The following PTPRD variants were observed in gnomAD, a reference collection of about 807,000 sequenced individuals.
PTPRD encodes receptor-type tyrosine-protein phosphatase delta.
PTPRD carries 34 observed loss-of-function variants against 214.5 expected under a neutral mutation model. The ratio of observed to expected loss-of-function variants is 0.16; its 90% confidence interval spans 0.12 to 0.21. PTPRD has a LOEUF of 0.21. Ranked by LOEUF, PTPRD falls within the 10% of genes least tolerant of loss-of-function variation. The probability of loss-of-function intolerance (pLI) is 1.00; values close to 1 mark genes in which losing one functional copy is unlikely to be tolerated. For missense variants in PTPRD, 2,545 were observed against 2,398.7 expected, an observed-to-expected ratio of 1.06 and a Z score of -1.27; for synonymous variants, 1,128 against 845.7, an observed-to-expected ratio of 1.33 and a Z score of -5.79.
chr9:8,914,248 A>G (rs2098768996), intron 11 of PTPRD, among the ~76,000 whole-genome samples: 1 of 152,170 alleles, frequency 6.6e-6, no homozygotes, highest in African/African-American at 2.4e-5. Flanking sequence ...TAATTTTAAA[A>G]TAAATAAGGA....
chr9:8,498,853 C>A (rs558880149), intron 25 of PTPRD, among the ~76,000 whole-genome samples: 1 of 151,950 alleles, frequency 6.6e-6, no homozygotes, highest in African/African-American at 2.4e-5. Context: ...AAAACTCAAG[C>A]GAATTTATTA....
chr9:10,431,954 T>C (rs1188821707), intron 2 of PTPRD, among the ~76,000 whole-genome samples: 3 of 152,078 alleles, frequency 2.0e-5, no homozygotes, highest in African/African-American at 4.8e-5. Context: ...CAAAGGACTA[T>C]AAATCATGCT....
chr9:8,709,429 G>A (rs1226743819), intron 12 of PTPRD, among the ~76,000 whole-genome samples: 3 of 150,542 alleles, frequency 2.0e-5, no homozygotes, highest in Non-Finnish European at 3.0e-5. Flanking sequence ...GCAGGAGAAT[G>A]GCATGAACCC....
intron 11 of PTPRD, among the ~76,000 whole-genome samples, chr9:8,763,589 C>A (rs570365144): frequency 6.6e-6 from 1 of 150,694 alleles, no homozygotes; most frequent in East Asian, 2.0e-4. Flanking sequence ...TAACATAACA[C>A]TATAATGCAT....
chr9:8,621,400 G>C (rs1229195227), intron 14 of PTPRD, among the ~76,000 whole-genome samples: 1 of 151,878 alleles, frequency 6.6e-6, no homozygotes, highest in African/African-American at 2.4e-5. Flanking sequence ...AAAAAAATTT[G>C]TTTGTTTTTA....
chr9:8,486,760 C>T (rs1056987221), intron 27 of PTPRD, among the ~76,000 whole-genome samples: 9 of 152,164 alleles, frequency 5.9e-5, no homozygotes, highest in African/African-American at 1.2e-4. Context: ...ACCGGCGTCA[C>T]GCTAAGTGCA....
chr9:9,521,605 C>T (rs1181516339), intron 8 of PTPRD, among the ~76,000 whole-genome samples: 1 of 152,072 alleles, frequency 6.6e-6, no homozygotes, highest in Non-Finnish European at 1.5e-5. Context: ...TTTTCCTGAA[C>T]AGGGGAGGCG....
At chr9:8,508,345 C>T (rs2137580716) in intron 21 of PTPRD, among the ~76,000 whole-genome samples, 1 of 152,310 alleles carries the variant, frequency 6.6e-6, no homozygotes, top group African/African-American at 2.4e-5. Context: ...CACACCTAAG[C>T]CTATCAGTTC....
intron 33 of PTPRD, among the ~76,000 whole-genome samples, chr9:8,451,391 G>C (rs1005406953): frequency 1.3e-5 from 2 of 152,014 alleles, no homozygotes; most frequent in Non-Finnish European, 2.9e-5. Context: ...GACCTGCCAA[G>C]GTACTGGCAG....
chr9:9,651,359 C>A (rs1225266946), intron 7 of PTPRD, among the ~76,000 whole-genome samples: 4 of 151,996 alleles, frequency 2.6e-5, no homozygotes, highest in African/African-American at 7.2e-5. Flanking sequence ...AGTCTAGTGA[C>A]CATTAGTTAT....
At chr9:8,854,730 C>G (rs1401659571) in intron 11 of PTPRD, among the ~76,000 whole-genome samples, 1 of 152,152 alleles carries the variant, frequency 6.6e-6, no homozygotes, top group South Asian at 2.1e-4. Context: ...TGGTCACAGC[C>G]TCAGATTTTC....
intron 11 of PTPRD, among the ~76,000 whole-genome samples, chr9:8,839,943 C>T (rs2570296): frequency 0.62 from 94,651 of 151,858 alleles, 29,762 homozygotes; most frequent in Middle Eastern, 0.78. Flanking sequence ...CCATACAGTA[C>T]AAAGGATCAC....
chr9:9,939,812 G>T (rs989492033), intron 4 of PTPRD, among the ~76,000 whole-genome samples: 2 of 152,114 alleles, frequency 1.3e-5, no homozygotes, highest in African/African-American at 4.8e-5. Flanking sequence ...AAGGGCTCAA[G>T]AAAGTCCCAC....
intron 11 of PTPRD, among the ~76,000 whole-genome samples, chr9:8,931,644 G>T (rs919105861): frequency 6.6e-6 from 1 of 152,124 alleles, no homozygotes; most frequent in Non-Finnish European, 1.5e-5. Context: ...TCATTGAGCA[G>T]CCAGGTTTAC....
chr9:10,273,595 C>A (rs1446877409), intron 3 of PTPRD, among the ~76,000 whole-genome samples: 1 of 152,060 alleles, frequency 6.6e-6, no homozygotes, highest in Non-Finnish European at 1.5e-5. Flanking sequence ...AAGTGTATAT[C>A]AGAATTTCTC....
chr9:10,167,257 CT>C (rs2099164917), intron 3 of PTPRD, among the ~76,000 whole-genome samples: 1 of 151,846 alleles, frequency 6.6e-6, no homozygotes, highest in African/African-American at 2.4e-5. Flanking sequence ...TAATTCTCAC[CT>C]ATTTTTGAGC....
At chr9:10,182,895 T>G (rs1023320482) in intron 3 of PTPRD, among the ~76,000 whole-genome samples, 2 of 152,106 alleles carry the variant, frequency 1.3e-5, no homozygotes, top group African/African-American at 4.8e-5. Flanking sequence ...AAGACAGCAG[T>G]TAAATGACAC....
At chr9:8,567,067 T>C (rs1242781269) in intron 14 of PTPRD, among the ~76,000 whole-genome samples, 1 of 152,216 alleles carries the variant, frequency 6.6e-6, no homozygotes, top group Non-Finnish European at 1.5e-5. Flanking sequence ...ATTTATCTTA[T>C]TTGTAAGTAA....
intron 9 of PTPRD, among the ~76,000 whole-genome samples, chr9:9,296,507 A>T (rs1192555117): frequency 6.6e-6 from 1 of 151,850 alleles, no homozygotes; most frequent in Non-Finnish European, 1.5e-5. Context: ...GTATACACAC[A>T]AAAACTATGA....
Sources: gnomAD v4.1 joint callset for allele counts (sites outside exome capture counted in the v4.1 genomes callset) on GRCh38, gnomAD v4.1.1 for gene constraint, MANE v1.5 for transcripts, NCBI Gene and HGNC (gene_info 2026-07-23, HGNC 2026-07-21) for gene names.